Variants in TAFA5 observed in about 807,000 individuals in gnomAD.
The protein encoded by TAFA5 is chemokine-like protein TAFA-5.
TAFA5 carries 6 observed loss-of-function variants against 15.3 expected under a neutral mutation model. The observed-to-expected ratio is 0.39, with a 90% CI of 0.21 to 0.77. The LOEUF (loss-of-function observed/expected upper bound fraction) is 0.77. TAFA5 is among the 30% of genes least tolerant of loss of function. The pLI, the probability that TAFA5 is intolerant of heterozygous loss-of-function variation, is 0.41. For missense variants in TAFA5, 161 were observed against 193.1 expected (o/e 0.83, Z 0.98); for synonymous variants, 103 against 80.7 (o/e 1.28, Z -1.48).
chr22:48,718,414 T>A (rs145703811), intron 3 of TAFA5, among the ~76,000 whole-genome samples: 1 of 152,040 alleles, frequency 6.6e-6, no homozygotes, highest in African/African-American at 2.4e-5. Flanking sequence ...TCAAGAGGTG[T>A]CTTGAGGGAG....
intron 1 of TAFA5, among the ~76,000 whole-genome samples, chr22:48,616,279 C>T (rs1347830515): frequency 3.9e-5 from 6 of 152,122 alleles, no homozygotes; most frequent in East Asian, 3.9e-4. Flanking sequence ...TGGCCAATAC[C>T]GCCGTAACCC....
At chr22:48,635,670 G>C (rs1380650877) in intron 1 of TAFA5, among the ~76,000 whole-genome samples, 2 of 152,206 alleles carry the variant, frequency 1.3e-5, no homozygotes, top group East Asian at 3.9e-4. Context: ...TCCTGTGTCT[G>C]CAGGACATAT....
At chr22:48,569,927 A>G (rs1923527934) in intron 1 of TAFA5, among the ~76,000 whole-genome samples, 1 of 152,132 alleles carries the variant, frequency 6.6e-6, no homozygotes, top group East Asian at 1.9e-4. Context: ...GCCATGCTGG[A>G]TTTACCCCAA....
intron 1 of TAFA5, among the ~76,000 whole-genome samples, chr22:48,594,800 G>A (rs1924702284): frequency 6.6e-6 from 1 of 152,232 alleles, no homozygotes; most frequent in South Asian, 2.1e-4. Context: ...GTAAGGACGG[G>A]CGCCCTGCCA....
intron 1 of TAFA5, among the ~76,000 whole-genome samples, chr22:48,591,806 C>T (rs1398055366): frequency 6.6e-6 from 1 of 152,132 alleles, no homozygotes; most frequent in African/African-American, 2.4e-5. Flanking sequence ...GCACTGGGCT[C>T]GCGGAAGCCC....
chr22:48,578,899 G>A (rs775567203), intron 1 of TAFA5, among the ~76,000 whole-genome samples: 26 of 152,342 alleles, frequency 1.7e-4, no homozygotes, highest in Admixed American at 5.9e-4. Context: ...TGATGGGCTC[G>A]GCCTGGGGCC....
chr22:48,517,762 C>T (rs1921463261), intron 1 of TAFA5, among the ~76,000 whole-genome samples: 1 of 152,134 alleles, frequency 6.6e-6, no homozygotes, highest in Non-Finnish European at 1.5e-5. Context: ...GGCCTGCCTG[C>T]TTCCCGGGGC....
chr22:48,587,822 C>T (rs559856179), intron 1 of TAFA5, among the ~76,000 whole-genome samples: 25 of 152,372 alleles, frequency 1.6e-4, no homozygotes, highest in African/African-American at 4.3e-4. Flanking sequence ...ATCAAATCAG[C>T]GGTTCGGAAG....
rs532794883 is a variant in TAFA5 at position 48,711,225 on chromosome 22, G to T, written c.390+3381G>T. Among the ~76,000 whole-genome samples, 9 of 152,308 alleles carry T rather than the reference G, an allele frequency of 5.9e-5. No homozygotes were observed. In the South Asian group the frequency reaches 1.5e-3, roughly 25 times the overall value. ...TCAGGCACCCTGATTCTTCTAGAGAGTGAGGTCTCATAGGTGGAGGGGACG... is the reference window on the plus strand; with the variant it reads ...TCAGGCACCCTGATTCTTCTAGAGATTGAGGTCTCATAGGTGGAGGGGACG... On this transcript the variant is annotated intron_variant, in intron 3 of 3. Coordinates refer to ENST00000402357, the MANE Select transcript of TAFA5 (RefSeq NM_001082967.3).
At position 48,520,585 on chromosome 22, in the gene TAFA5, G is replaced by A. The variant is rs565540464; in HGVS notation, c.112+30881G>A. ...TGGAGAGTCAGAATGCCTGCCATCG[G>A]GGACTTGAGATTAATTTGGTGGTGG... On this transcript the variant is annotated intron_variant, in intron 1 of 3. Transcript: ENST00000402357. 3.9e-5 allele frequency among the ~76,000 whole-genome samples: 6 copies of A among 152,328 alleles called. No homozygotes were observed. In the South Asian group the frequency reaches 1.2e-3, roughly 32 times the overall value.
At chr22:48,584,755 ACAC>A (rs769892206) in intron 1 of TAFA5, among the ~76,000 whole-genome samples, 3 of 150,056 alleles carry the variant, frequency 2.0e-5, no homozygotes, top group African/African-American at 7.4e-5. Context: ...CTCCACACAC[ACAC>A]AACACACCAC....
intron 1 of TAFA5, among the ~76,000 whole-genome samples, chr22:48,610,064 C>T (rs1925341584): frequency 6.6e-6 from 1 of 152,146 alleles, no homozygotes; most frequent in Non-Finnish European, 1.5e-5. Context: ...TTTAGGGGGT[C>T]AAAATTGAAC....
intron 1 of TAFA5, chr22:48,544,772 G>T (rs1192704676): frequency 2.1e-6 from 1 of 471,172 alleles, no homozygotes; most frequent in Admixed American, 2.3e-5. Flanking sequence ...AAATTGTTGA[G>T]TTCTGGCTGT....
At chr22:48,541,470 G>A (rs185056304) in intron 1 of TAFA5, among the ~76,000 whole-genome samples, 114 of 152,294 alleles carry the variant, frequency 7.5e-4, no homozygotes, top group African/African-American at 2.6e-3. Flanking sequence ...ATTCTTTGTG[G>A]AGTCTGCCTC....
At chr22:48,652,860 G>A (rs1269512635) in intron 2 of TAFA5, among the ~76,000 whole-genome samples, 1 of 152,074 alleles carries the variant, frequency 6.6e-6, no homozygotes, top group Non-Finnish European at 1.5e-5. Context: ...GGGGGCTCAG[G>A]GAGATCCCAG....
intron 2 of TAFA5, among the ~76,000 whole-genome samples, chr22:48,666,756 T>A (rs12484583): frequency 0.15 from 22,701 of 152,186 alleles, 2,322 homozygotes; most frequent in East Asian, 0.35. Context: ...CCCCAGCTCC[T>A]GGGGATGGTG....
chr22:48,528,762 T>G (rs1399802955), intron 1 of TAFA5, among the ~76,000 whole-genome samples: 1 of 152,146 alleles, frequency 6.6e-6, no homozygotes, highest in Non-Finnish European at 1.5e-5. Flanking sequence ...GCAGGGCCGG[T>G]GGGCGGGGCC....
intron 1 of TAFA5, among the ~76,000 whole-genome samples, chr22:48,542,744 T>G (rs1922502088): frequency 6.7e-6 from 1 of 148,274 alleles, no homozygotes; most frequent in Non-Finnish European, 1.5e-5. Flanking sequence ...TAGTGATATG[T>G]GTACTGGTGT....
chr22:48,641,956 T>C (rs1926696128), intron 1 of TAFA5, among the ~76,000 whole-genome samples: 1 of 152,178 alleles, frequency 6.6e-6, no homozygotes, highest in African/African-American at 2.4e-5. Context: ...CACCATCCCC[T>C]ATCTCCAAGA....
Sources: allele counts gnomAD v4.1 joint callset (sites outside exome capture counted in the v4.1 genomes callset), GRCh38; gene constraint gnomAD v4.1.1; transcripts MANE v1.5; gene names NCBI Gene and HGNC (gene_info 2026-07-23, HGNC 2026-07-21).